Variants in EXOC5 observed in about 807,000 individuals in gnomAD.
The protein encoded by EXOC5 is exocyst complex component 5.
In EXOC5, 17 loss-of-function variants were observed where a neutral mutation model predicts 90.8. The ratio of observed to expected loss-of-function variants is 0.19; its 90% CI spans 0.13 to 0.28. EXOC5 has a LOEUF of 0.28. Among genes scored for constraint, EXOC5 ranks in the 10% least tolerant of loss-of-function variants. The probability of loss-of-function intolerance (pLI) is 1.00; values close to 1 mark genes in which losing one functional copy is unlikely to be tolerated. For missense variants in EXOC5, 569 were observed against 830.6 expected (o/e 0.69, Z 3.87); for synonymous variants, 260 against 270.0 (o/e 0.96, Z 0.36).
In EXOC5 at chr14:57,232,699, T is replaced by C. The variant is rs753454179; in HGVS notation, c.906A>G (p.Gln302=). 4 of 1,536,602 alleles carry C rather than the reference T, an allele frequency of 2.6e-6. No homozygotes were observed. Among genetic ancestry groups the C allele is most frequent in the Non-Finnish European group, 1.8e-6 (2 of 1,123,876 alleles). ...ACAGATCATAGAGATTTTTGAGATA[T>C]TGCTCTGCATCGGACTTCCTACATT... ...LEECRKSDAE[Q]YLKNLYDLYT... Residue 302 remains glutamine (Q), a synonymous_variant, in exon 10 of 18, where the codon CAA becomes CAG. Coordinates refer to ENST00000621441, the MANE Select transcript of EXOC5 (RefSeq NM_006544.4).
At position 57,250,261 on chromosome 14, in the gene EXOC5, G is replaced by A. The variant is rs553006539; in HGVS notation, c.28-2549C>T. Among the ~76,000 whole-genome samples the A allele has an allele frequency of 3.7e-4, 56 of 152,288 alleles. 1 individual carries two copies. Among genetic ancestry groups the A allele is most frequent in the Non-Finnish European group, 6.9e-4 (47 of 68,032 alleles). On this transcript the variant is annotated intron_variant, in intron 1 of 17. Coordinates refer to ENST00000621441, the MANE Select transcript of EXOC5 (RefSeq NM_006544.4). The stretch of plus-strand genomic sequence containing the variant: ...ACTAAAAGAGAGTGAATGCAGGGGA[G>A]AATAATTGTGGATGAGGTCAAGAGA...
intron 13 of EXOC5, 21 bp downstream of exon 13, chr14:57,222,287 G>C (rs1023485474): frequency 8.5e-7 from 1 of 1,170,190 alleles, no homozygotes; most frequent in East Asian, 2.5e-5. Context: ...TTTAACACAA[G>C]TGTAACACAA....
chr14:57,233,972 T>A lies in EXOC5; in HGVS notation c.714+16A>T, dbSNP rs147872926. ...TAGCATAAAATAATATCCAACAAAG[T>A]GTACTGTTATGTTACCTCCTGGCAC... On this transcript the variant is annotated intron_variant, in intron 8 of 17. Coordinates refer to ENST00000621441, the MANE Select transcript of EXOC5 (RefSeq NM_006544.4). 1.2e-4 allele frequency: 196 copies of A among 1,596,998 alleles called. No individual in the cohort carries two copies. The African/African-American group carries it at 2.4e-3, about 20-fold the overall frequency.
intron 1 of EXOC5, among the ~76,000 whole-genome samples, chr14:57,254,572 A>G (rs1461119521): frequency 2.0e-5 from 3 of 152,200 alleles, no homozygotes; most frequent in Non-Finnish European, 4.4e-5. Flanking sequence ...AAGACCAAGG[A>G]CAAGAAAGTC....
chr14:57,216,120 T>A (rs1882963575), intron 15 of EXOC5, among the ~76,000 whole-genome samples: 1 of 151,994 alleles, frequency 6.6e-6, no homozygotes, highest in Admixed American at 6.6e-5. Context: ...AGTAAAAGAC[T>A]TATACACTGA....
At chr14:57,257,144 C>T (rs193171079) in intron 1 of EXOC5, among the ~76,000 whole-genome samples, 1 of 151,994 alleles carries the variant, frequency 6.6e-6, no homozygotes, top group Non-Finnish European at 1.5e-5. Flanking sequence ...ATATAAGTTG[C>T]TGATAGACTG....
chr14:57,246,592 T>C (rs1884040424), intron 3 of EXOC5, 119 bp downstream of exon 3: 4 of 856,384 alleles, frequency 4.7e-6, no homozygotes, highest in Non-Finnish European at 5.7e-6. Flanking sequence ...ACTAAAGCAG[T>C]AGAAAGAAAT....
At chr14:57,217,294 T>C (rs1883003250) in intron 15 of EXOC5, among the ~76,000 whole-genome samples, 1 of 152,198 alleles carries the variant, frequency 6.6e-6, no homozygotes, top group Non-Finnish European at 1.5e-5. Flanking sequence ...TTTGTTTGAC[T>C]GTGTTTCACA....
chr14:57,267,802 TCTCA>T (rs1438370972), intron 1 of EXOC5, among the ~76,000 whole-genome samples: 8 of 152,318 alleles, frequency 5.3e-5, no homozygotes, highest in African/African-American at 1.9e-4. Flanking sequence ...ACATTAGTAT[TCTCA>T]CTATTACATA....
At chr14:57,247,051 C>T (rs1291560969) in intron 2 of EXOC5, among the ~76,000 whole-genome samples, 193 bp from the exon 3 acceptor site, 1 of 152,120 alleles carries the variant, frequency 6.6e-6, no homozygotes, top group African/African-American at 2.4e-5. Context: ...TTCATAACTT[C>T]CTCATAGTTT....
At chr14:57,224,474 T>C (rs1286480804) in intron 12 of EXOC5, among the ~76,000 whole-genome samples, 3 of 152,188 alleles carry the variant, frequency 2.0e-5, no homozygotes, top group South Asian at 4.1e-4. Context: ...CAACAACTTA[T>C]GTGAACTACA....
chr14:57,238,221 T>TACACACAC lies in EXOC5; in HGVS notation c.531-856_531-855insGTGTGTGT, dbSNP rs372613596. On this transcript the variant is annotated intron_variant, in intron 5 of 17. Coordinates refer to ENST00000621441, the MANE Select transcript of EXOC5 (RefSeq NM_006544.4). ...GGATATATATTCAACTCCACATATA[T>TACACACAC]ATACACACACACACACACACACACA... Among the ~76,000 whole-genome samples, 928 of 93,294 alleles carry TACACACAC rather than the reference T, an allele frequency of 9.9e-3. 8 individuals are homozygous for TACACACAC. Among genetic ancestry groups the TACACACAC allele is most frequent in the African/African-American group, 0.017 (561 of 33,238 alleles). 61.2% of individuals were successfully genotyped at this position (93,294 alleles called of 152,430 possible).
At position 57,246,574 on chromosome 14, in the gene EXOC5, C is replaced by G. The variant is rs969957679; in HGVS notation, c.270+137G>C. 1.4e-4 allele frequency: 106 copies of G among 744,926 alleles called. 1 individual carries two copies. The highest frequency in any genetic ancestry group is 1.3e-3 in the South Asian group (83 of 62,482). 46.1% of individuals were successfully genotyped at this position (744,926 alleles called of 1,614,324 possible). On this transcript the variant is annotated intron_variant, in intron 3 of 17. Coordinates refer to ENST00000621441, the MANE Select transcript of EXOC5 (RefSeq NM_006544.4). ...TGATAACAATTCATTAACATTTTAC[C>G]CCATGGGACTAAAGCAGTAGAAAGA...
chr14:57,268,734 G>T lies in EXOC5; in HGVS notation c.-86C>A. On this transcript the variant is annotated 5_prime_UTR_variant, in exon 1 of 18. Transcript: ENST00000621441. ...TCAGAGGCGCGGCGCACAGGTCTCCGCTCGGCTCGCCAGCTCCGGCTCCGG... is the reference window on the plus strand; with the variant it reads ...TCAGAGGCGCGGCGCACAGGTCTCCTCTCGGCTCGCCAGCTCCGGCTCCGG... 2 of 1,503,740 alleles carry T rather than the reference G, an allele frequency of 1.3e-6. No individual in the cohort carries two copies. 93.1% of individuals were successfully genotyped at this position (1,503,740 alleles called of 1,614,324 possible). A position where few individuals can be genotyped will look rare whatever the true frequency, so the allele number is the denominator to read the frequency against.
At chr14:57,252,810 A>T (rs1179674603) in intron 1 of EXOC5, among the ~76,000 whole-genome samples, 5 of 152,196 alleles carry the variant, frequency 3.3e-5, no homozygotes, top group Admixed American at 2.0e-4. Context: ...AAATGAAATC[A>T]GTATGTCAGA....
At chr14:57,244,039 A>G in intron 4 of EXOC5, 126 bp downstream of exon 4, 1 of 639,210 alleles carries the variant, frequency 1.6e-6, no homozygotes, top group Non-Finnish European at 2.7e-6. Flanking sequence ...TCAGAACAAT[A>G]AAAACTTTTA....
chr14:57,254,929 C>T (rs1884304868), intron 1 of EXOC5, among the ~76,000 whole-genome samples: 1 of 152,140 alleles, frequency 6.6e-6, no homozygotes, highest in Non-Finnish European at 1.5e-5. Context: ...TTGTTGAAGC[C>T]ATCCAGTCTA....
chr14:57,219,261 AT>A, intron 14 of EXOC5, 60 bp downstream of exon 14: 1 of 950,018 alleles, frequency 1.1e-6, no homozygotes, highest in South Asian at 2.6e-5. Context: ...ATATATATAG[AT>A]TATGTAGAAT....
intron 4 of EXOC5, among the ~76,000 whole-genome samples, chr14:57,242,449 G>T (rs1883898583): frequency 6.6e-6 from 1 of 150,664 alleles, no homozygotes; most frequent in African/African-American, 2.5e-5. Flanking sequence ...TCACCATGTT[G>T]CCCGGGCTGG....
Sources: gnomAD v4.1 joint callset for allele counts (sites outside exome capture counted in the v4.1 genomes callset) on GRCh38, gnomAD v4.1.1 for gene constraint, MANE v1.5 for transcripts, NCBI Gene and HGNC (gene_info 2026-07-23, HGNC 2026-07-21) for gene names.